SEMA3D: variants seen among roughly 807,000 people sequenced by gnomAD.
SEMA3D encodes semaphorin-3D.
Under a neutral mutation model 100.1 loss-of-function variants are expected in SEMA3D, and 84 were observed. That is an observed-to-expected ratio of 0.84 (90% CI 0.70 to 1.01). SEMA3D has a LOEUF of 1.01. Ranked by LOEUF, SEMA3D falls within the 50% of genes least tolerant of loss-of-function variation. SEMA3D has a pLI of 0.00. For missense variants in SEMA3D, 875 were observed against 934.1 expected, an observed-to-expected ratio of 0.94 and a Z score of 0.82; for synonymous variants, 312 against 320.7, an observed-to-expected ratio of 0.97 and a Z score of 0.29.
chr7:85,162,913 A>G (rs1790786045), intron 1 of SEMA3D, among the ~76,000 whole-genome samples: 1 of 152,118 alleles, frequency 6.6e-6, no homozygotes, highest in Non-Finnish European at 1.5e-5. Flanking sequence ...AAATGTTCAG[A>G]CTCCTTGGAA....
At chr7:85,004,544 G>A (rs1443167628) in intron 18 of SEMA3D, among the ~76,000 whole-genome samples, 1 of 152,028 alleles carries the variant, frequency 6.6e-6, no homozygotes. Context: ...ACTGACTCAT[G>A]ACCTCCCGTA....
intron 3 of SEMA3D, among the ~76,000 whole-genome samples, chr7:85,101,433 G>T (rs1292501137): frequency 6.6e-6 from 1 of 151,910 alleles, no homozygotes; most frequent in Non-Finnish European, 1.5e-5. Flanking sequence ...ATGAATTTTA[G>T]GTTCAGGCCA....
intron 3 of SEMA3D, 46 bp downstream of exon 3, chr7:85,121,695 A>T: frequency 2.7e-6 from 3 of 1,092,478 alleles, no homozygotes; most frequent in Middle Eastern, 2.1e-4. Context: ...CAAAAAAGAC[A>T]TTTCAAAATC....
chr7:85,203,805 G>A, the SEMA3D span, among the ~76,000 whole-genome samples: 1 of 151,520 alleles, frequency 6.6e-6, no homozygotes, highest in African/African-American at 2.4e-5. Context: ...AGAAATACAG[G>A]GGGAAAACAA....
rs550108061 is a variant in SEMA3D at position 85,019,742 on chromosome 7, C to T, written c.1503+491G>A. On this transcript the variant is annotated intron_variant, in intron 14 of 18. Coordinates refer to ENST00000284136, the MANE Select transcript of SEMA3D (RefSeq NM_001384900.1). ...AATCTGGAGAACTATTCTTCTAGATCTACTAACTCTTTTTGCCGGGTGAGA... is the reference window on the plus strand; with the variant it reads ...AATCTGGAGAACTATTCTTCTAGATTTACTAACTCTTTTTGCCGGGTGAGA... 3.2e-4 allele frequency among the ~76,000 whole-genome samples: 49 copies of T among 151,770 alleles called. 1 individual carries two copies. Among genetic ancestry groups the T allele is most frequent in the Non-Finnish European group, 6.1e-4 (41 of 67,756 alleles).
At chr7:85,043,801 C>A (rs938961000) in intron 9 of SEMA3D, among the ~76,000 whole-genome samples, 1 of 152,122 alleles carries the variant, frequency 6.6e-6, no homozygotes, top group Non-Finnish European at 1.5e-5. Flanking sequence ...TAAGATGTGA[C>A]TTGCTCCTCC....
At chr7:85,142,029 G>A (rs1271258003) in intron 2 of SEMA3D, 1 of 982,180 alleles carries the variant, frequency 1.0e-6, no homozygotes, top group East Asian at 1.1e-4. Context: ...TTAATAGCCA[G>A]CAAAATAGAA....
chr7:85,188,191 A>G (rs1397776102), upstream of SEMA3D, among the ~76,000 whole-genome samples: 2 of 152,230 alleles, frequency 1.3e-5, no homozygotes, highest in African/African-American at 2.4e-5. Context: ...GCTGAGGGCC[A>G]CAGAAGCTAA....
At chr7:85,220,919 A>G in the SEMA3D span, among the ~76,000 whole-genome samples, 1 of 152,140 alleles carries the variant, frequency 6.6e-6, no homozygotes, top group Non-Finnish European at 1.5e-5. Flanking sequence ...CAGGACAAAG[A>G]GTTCAACACA....
intron 1 of SEMA3D, among the ~76,000 whole-genome samples, chr7:85,154,301 T>G (rs1790517133): frequency 6.6e-6 from 1 of 152,096 alleles, no homozygotes. Context: ...GCTCAGTTAT[T>G]AATAACTCTT....
the SEMA3D span, among the ~76,000 whole-genome samples, chr7:85,234,714 A>G: frequency 1.3e-5 from 2 of 151,070 alleles, no homozygotes; most frequent in Non-Finnish European, 2.9e-5. Flanking sequence ...TAATGATAAA[A>G]GAAAATAACA....
At chr7:85,040,440 A>G (rs1790825707) in intron 11 of SEMA3D, among the ~76,000 whole-genome samples, 1 of 152,134 alleles carries the variant, frequency 6.6e-6, no homozygotes, top group Admixed American at 6.6e-5. Context: ...AGGAGTGGTT[A>G]AATAACTTGT....
intron 2 of SEMA3D, among the ~76,000 whole-genome samples, chr7:85,148,672 C>T (rs777570228): frequency 1.1e-4 from 16 of 152,134 alleles, no homozygotes; most frequent in Non-Finnish European, 2.2e-4. Flanking sequence ...CAGTACAATA[C>T]ATCTCACAGG....
chr7:85,026,191 C>CCTGCCT (rs1388165009), intron 12 of SEMA3D, among the ~76,000 whole-genome samples: 2 of 151,960 alleles, frequency 1.3e-5, no homozygotes, highest in East Asian at 3.9e-4. Context: ...AGAGTCTAGT[C>CCTGCCT]CTGCCTCTGC....
intron 2 of SEMA3D, among the ~76,000 whole-genome samples, chr7:85,131,120 G>A (rs1229626486): frequency 6.6e-6 from 1 of 151,960 alleles, no homozygotes; most frequent in African/African-American, 2.4e-5. Context: ...ATTAAAACTC[G>A]ATTTAAGAAC....
the SEMA3D span, among the ~76,000 whole-genome samples, chr7:85,241,984 A>C: frequency 2.6e-5 from 4 of 152,068 alleles, no homozygotes; most frequent in Non-Finnish European, 5.9e-5. Flanking sequence ...AATTCATACA[A>C]CCACTATGGA....
At chr7:85,061,235 C>A (rs1791469856) in intron 8 of SEMA3D, among the ~76,000 whole-genome samples, 1 of 151,996 alleles carries the variant, frequency 6.6e-6, no homozygotes, top group Admixed American at 6.6e-5. Flanking sequence ...AAGGTATTTG[C>A]TAGATGGATT....
Position 85,152,918 on chromosome 7 carries a change from G to A in SEMA3D, c.-41+690C>T, listed in dbSNP as rs1051002850. ...TAGCAGCCTAAGGAACTGGGACACT[G>A]TGACATGTTCAAATCAAGCAATCAC... is the stretch of plus-strand genomic sequence containing the variant. On this transcript the variant is annotated intron_variant, in intron 2 of 18. Coordinates refer to ENST00000284136, the MANE Select transcript of SEMA3D (RefSeq NM_001384900.1). Among the ~76,000 whole-genome samples the A allele has an allele frequency of 2.0e-5, 3 of 152,230 alleles. No individual in the cohort carries two copies. In the East Asian group the frequency reaches 5.8e-4, roughly 29 times the overall value.
chr7:85,178,906 C>G (rs2732761), intron 1 of SEMA3D, among the ~76,000 whole-genome samples: 101,054 of 152,006 alleles, frequency 0.66, 34,316 homozygotes, highest in East Asian at 0.92. Flanking sequence ...GTTCCAGGTG[C>G]TCCAGCCGTG....
Sources: allele counts gnomAD v4.1 joint callset (sites outside exome capture counted in the v4.1 genomes callset), GRCh38; gene constraint gnomAD v4.1.1; transcripts MANE v1.5; gene names NCBI Gene and HGNC (gene_info 2026-07-23, HGNC 2026-07-21).